The following CYP20A1 variants were observed in gnomAD, a reference collection of about 807,000 sequenced individuals.
CYP20A1 encodes the protein cytochrome P450 20A1.
In CYP20A1, 61 loss-of-function variants were observed where a neutral mutation model predicts 61.4. The ratio of observed to expected loss-of-function variants is 0.99; its 90% CI spans 0.81 to 1.23. The LOEUF (loss-of-function observed/expected upper bound fraction) is 1.23. CYP20A1 is among the 50% of genes most tolerant of loss of function. The pLI, the probability that CYP20A1 is intolerant of heterozygous loss-of-function variation, is 0.00. For synonymous variants in CYP20A1, 193 were observed against 188.2 expected, an observed-to-expected ratio of 1.03 and a Z score of -0.21; for missense variants, 530 against 542.4, an observed-to-expected ratio of 0.98 and a Z score of 0.23.
chr2:203,243,287 G>A (rs1372965909), intron 1 of CYP20A1, among the ~76,000 whole-genome samples: 1 of 151,970 alleles, frequency 6.6e-6, no homozygotes, highest in African/African-American at 2.4e-5. Context: ...GAGAGTACAG[G>A]CGTGTGCCAC....
At position 203,299,995 on chromosome 2, in the gene CYP20A1, G is replaced by A. The variant is rs977607434; in HGVS notation, c.*3087G>A. On this transcript the variant is annotated 3_prime_UTR_variant, in exon 13 of 13. Coordinates refer to ENST00000356079, the MANE Select transcript of CYP20A1 (RefSeq NM_177538.3). ...TTACCCAAGTACCTCGAATGGGTTGGAAACTGGCGGTAGAAGGTTAGAGTA... is the reference window on the plus strand; with the variant it reads ...TTACCCAAGTACCTCGAATGGGTTGAAAACTGGCGGTAGAAGGTTAGAGTA... Among the ~76,000 whole-genome samples the A allele has an allele frequency of 6.6e-6, 1 of 152,242 alleles. No individual in the cohort carries two copies. The highest frequency in any genetic ancestry group is 1.5e-5 in the Non-Finnish European group (1 of 68,040).
intron 4 of CYP20A1, among the ~76,000 whole-genome samples, chr2:203,258,005 G>GCAGATCCACACTA: frequency 6.6e-6 from 1 of 151,870 alleles, no homozygotes; most frequent in Admixed American, 6.6e-5. Flanking sequence ...GGGCTGAAGG[G>GCAGATCCACACTA]ATCCTCCTGC....
chr2:203,286,736 G>A (rs556574219), intron 9 of CYP20A1, among the ~76,000 whole-genome samples: 1 of 152,260 alleles, frequency 6.6e-6, no homozygotes, highest in South Asian at 2.1e-4. Context: ...ATTACTTGTG[G>A]TTGTAGTTAC....
intron 4 of CYP20A1, among the ~76,000 whole-genome samples, chr2:203,256,624 G>A (rs533110371): frequency 1.3e-5 from 2 of 152,292 alleles, no homozygotes; most frequent in East Asian, 3.9e-4. Context: ...CTCCCAAAGT[G>A]CTGGGATTAC....
intron 3 of CYP20A1, among the ~76,000 whole-genome samples, 174 bp from the exon 4 acceptor site, chr2:203,251,793 G>GTACATATATATATA (rs1553513991): frequency 3.6e-4 from 23 of 64,164 alleles, no homozygotes; most frequent in African/African-American, 9.4e-4. Flanking sequence ...ATATATATGT[G>GTACATATATATATA]TATATATATA....
In CYP20A1 at chr2:203,246,645, C is replaced by T; in HGVS notation, c.123-110C>T. 4 of 1,115,606 alleles carry T rather than the reference C, an allele frequency of 3.6e-6. No homozygotes were observed. The South Asian group carries it at 6.5e-5, about 18-fold the overall frequency. The allele number at this position is 1,115,606 out of a possible 1,614,324, so 69.1% of individuals were successfully genotyped here. A position where few individuals can be genotyped will look rare whatever the true frequency, so the allele number is the denominator to read the frequency against. On this transcript the variant is annotated intron_variant, in intron 2 of 12. Transcript: ENST00000356079. ...TTGGATTTTGCAGTAATTTGAATTT[C>T]ATGAACCTTTGTTCTCATTTATTGA...
intron 3 of CYP20A1, among the ~76,000 whole-genome samples, 165 bp downstream of exon 3, chr2:203,247,086 C>T (rs2066488264): frequency 6.6e-6 from 1 of 151,774 alleles, no homozygotes; most frequent in African/African-American, 2.4e-5. Context: ...CATGGTGAAA[C>T]CCCTTCTCTA....
In CYP20A1 at chr2:203,246,720, A is replaced by G. The variant is rs6435176; in HGVS notation, c.123-35A>G. The G allele has an allele frequency of 0.95, 1,509,973 of 1,594,542 alleles. 717,063 individuals are homozygous for G. The highest frequency in any genetic ancestry group is 0.96 in the Non-Finnish European group (1,123,102 of 1,170,368). On this transcript the variant is annotated intron_variant, in intron 2 of 12. Coordinates refer to ENST00000356079, the MANE Select transcript of CYP20A1 (RefSeq NM_177538.3). ...TGTTTTTCTCATTTTTCCAAATTAAATTGATTATTTTGTCAAATGTTGCTC... is the reference window on the plus strand; with the variant it reads ...TGTTTTTCTCATTTTTCCAAATTAAGTTGATTATTTTGTCAAATGTTGCTC...
rs2068930470 is a variant in CYP20A1 at position 203,299,289 on chromosome 2, G to T, written c.*2381G>T. 6.6e-6 allele frequency among the ~76,000 whole-genome samples: 1 copy of T among 152,076 alleles called. No individual in the cohort carries two copies. Among genetic ancestry groups the T allele is most frequent in the East Asian group, 1.9e-4 (1 of 5,198 alleles). ...TTTTTAACACTGCTGAATTTCATTTGTAATTTTACTTTCAAGAATATACTC... is the reference window on the plus strand; with the variant it reads ...TTTTTAACACTGCTGAATTTCATTTTTAATTTTACTTTCAAGAATATACTC... On this transcript the variant is annotated 3_prime_UTR_variant, in exon 13 of 13. Transcript: ENST00000356079.
Position 203,239,068 on chromosome 2 carries a change from G to A in CYP20A1, c.6G>A (p.Leu2=). ...GCTCCCTGGGCGGCAGAACCATGTT[G>A]GACTTCGCGATCTTCGCCGTTACCT... M[L]DFAIFAVTFL... The change falls in exon 1 of 13, where the codon TTG becomes TTA. Residue 2 remains leucine, a synonymous_variant. Coordinates refer to ENST00000356079, the MANE Select transcript of CYP20A1 (RefSeq NM_177538.3). 2 of 1,613,608 alleles carry A rather than the reference G, an allele frequency of 1.2e-6. No individual in the cohort carries two copies. Among genetic ancestry groups the A allele is most frequent in the Non-Finnish European group, 8.5e-7 (1 of 1,179,758 alleles).
At chr2:203,294,104 C>T (rs1012739126) in intron 11 of CYP20A1, among the ~76,000 whole-genome samples, 1 of 152,084 alleles carries the variant, frequency 6.6e-6, no homozygotes, top group Non-Finnish European at 1.5e-5. Context: ...CCTACCTCAC[C>T]CTCCAGAGTA....
At chr2:203,285,417 G>A (rs2068223156) in intron 8 of CYP20A1, among the ~76,000 whole-genome samples, 195 bp from the exon 9 acceptor site, 1 of 152,144 alleles carries the variant, frequency 6.6e-6, no homozygotes, top group African/African-American at 2.4e-5. Context: ...AGGGCATTCT[G>A]TAAATATTGA....
At chr2:203,268,128 A>G (rs1316911657) in intron 5 of CYP20A1, among the ~76,000 whole-genome samples, 1 of 151,924 alleles carries the variant, frequency 6.6e-6, no homozygotes, top group Non-Finnish European at 1.5e-5. Flanking sequence ...CTATCCATCC[A>G]TTCCTCCCCC....
At chr2:203,269,151 G>C (rs553640115) in intron 5 of CYP20A1, among the ~76,000 whole-genome samples, 1 of 152,140 alleles carries the variant, frequency 6.6e-6, no homozygotes, top group South Asian at 2.1e-4. Flanking sequence ...TTAAATATTT[G>C]CCTTTCTAGG....
rs767423045 is a variant in CYP20A1 at position 203,296,749 on chromosome 2, C to T, written c.1239-9C>T. ...TCTTTAGTAACTAATTGACTTTCTT[C>T]CTGACTAGGTTTGCATATATGGTGA... is the stretch of plus-strand genomic sequence containing the variant. On this transcript the variant is annotated splice_polypyrimidine_tract_variant and intron_variant, in intron 12 of 12. Coordinates refer to ENST00000356079, the MANE Select transcript of CYP20A1 (RefSeq NM_177538.3). The T allele has an allele frequency of 6.3e-6, 10 of 1,574,958 alleles. No individual in the cohort carries two copies. In the South Asian group the frequency reaches 1.1e-4, roughly 17 times the overall value.
chr2:203,275,639 C>T (rs1384565127), intron 6 of CYP20A1, among the ~76,000 whole-genome samples: 1 of 152,072 alleles, frequency 6.6e-6, no homozygotes, highest in African/African-American at 2.4e-5. Flanking sequence ...GGGGTTTCAC[C>T]ATGTTGGCCA....
chr2:203,253,348 G>C (rs1409061638), intron 4 of CYP20A1, among the ~76,000 whole-genome samples: 1 of 152,170 alleles, frequency 6.6e-6, no homozygotes, highest in Non-Finnish European at 1.5e-5. Flanking sequence ...GGCAGTGCCT[G>C]GGGTGACAGG....
At chr2:203,243,236 C>T (rs900307685) in intron 1 of CYP20A1, among the ~76,000 whole-genome samples, 7 of 152,088 alleles carry the variant, frequency 4.6e-5, no homozygotes, top group South Asian at 2.1e-4. Flanking sequence ...CTTCACCTTC[C>T]GGGTTCAAGC....
At position 203,261,825 on chromosome 2, in the gene CYP20A1, C is replaced by G. The variant is rs957669947; in HGVS notation, c.433-4689C>G. Among the ~76,000 whole-genome samples, 5 of 151,960 alleles carry G rather than the reference C, an allele frequency of 3.3e-5. 1 individual carries two copies. The highest frequency in any genetic ancestry group is 1.2e-4 in the African/African-American group (5 of 41,474). On this transcript the variant is annotated intron_variant, in intron 4 of 12. Coordinates refer to ENST00000356079, the MANE Select transcript of CYP20A1 (RefSeq NM_177538.3). ...TTGGACCTGGTTGGAAATTTGTCCT[C>G]TAGTATGCTGTCCTCTAGGGTGGTG...
Sources: allele counts gnomAD v4.1 joint callset (sites outside exome capture counted in the v4.1 genomes callset), GRCh38; gene constraint gnomAD v4.1.1; transcripts MANE v1.5; gene names NCBI Gene and HGNC (gene_info 2026-07-23, HGNC 2026-07-21).